The following DSCAM variants were observed in gnomAD, a reference collection of about 807,000 sequenced individuals.
DSCAM encodes DS cell adhesion molecule, also known as cell adhesion molecule DSCAM.
DSCAM carries 47 observed loss-of-function variants against 217.7 expected under a neutral mutation model. That is an observed-to-expected ratio of 0.22 (90% CI 0.17 to 0.28). The LOEUF is 0.28. DSCAM is among the 10% of genes least tolerant of loss of function. DSCAM has a pLI of 1.00. For missense variants in DSCAM, 2,080 were observed against 2,618.3 expected (o/e 0.79, Z 4.49); for synonymous variants, 1,056 against 1,015.3 (o/e 1.04, Z -0.76).
At chr21:40,259,166 T>C (rs921622730) in intron 11 of DSCAM, among the ~76,000 whole-genome samples, 4 of 152,156 alleles carry the variant, frequency 2.6e-5, no homozygotes. Context: ...CTTACACATA[T>C]GAATATGCCT....
At chr21:40,129,669 C>T (rs549111638) in intron 19 of DSCAM, among the ~76,000 whole-genome samples, 3 of 152,312 alleles carry the variant, frequency 2.0e-5, no homozygotes, top group Non-Finnish European at 2.9e-5. Context: ...TGGCACACTA[C>T]CATAGGCTAT....
chr21:40,508,667 C>T (rs1387771374), intron 3 of DSCAM, among the ~76,000 whole-genome samples: 3 of 146,322 alleles, frequency 2.1e-5, no homozygotes, highest in Non-Finnish European at 4.5e-5. Context: ...CTCCTGGGCT[C>T]AAGGGAACCA....
chr21:40,660,383 C>T (rs981618528), intron 3 of DSCAM, among the ~76,000 whole-genome samples: 1 of 152,144 alleles, frequency 6.6e-6, no homozygotes. Context: ...ATTCTAACAA[C>T]TGGCCAGAAG....
chr21:40,033,586 T>C (rs2996050), intron 32 of DSCAM, among the ~76,000 whole-genome samples: 37,620 of 147,032 alleles, frequency 0.26, 5,311 homozygotes, highest in South Asian at 0.35. Context: ...AAGGCGGCAG[T>C]GAGGCTGGGG....
intron 3 of DSCAM, among the ~76,000 whole-genome samples, chr21:40,555,058 AT>A (rs1330490881): frequency 1.3e-5 from 2 of 152,234 alleles, no homozygotes; most frequent in Non-Finnish European, 2.9e-5. Context: ...GAAATGATGC[AT>A]ATTTTATATT....
At chr21:40,653,291 C>T (rs867177189) in intron 3 of DSCAM, among the ~76,000 whole-genome samples, 7 of 152,166 alleles carry the variant, frequency 4.6e-5, no homozygotes, top group Non-Finnish European at 8.8e-5. Context: ...GTTAACGACA[C>T]GGTCTTGGAG....
At chr21:40,053,451 G>A (rs914317612) in intron 29 of DSCAM, among the ~76,000 whole-genome samples, 13 of 152,182 alleles carry the variant, frequency 8.5e-5, no homozygotes, top group Admixed American at 8.5e-4. Context: ...GATGGGATAT[G>A]TCACAGTTTC....
intron 9 of DSCAM, among the ~76,000 whole-genome samples, chr21:40,307,883 T>A (rs1045660942): frequency 7.3e-6 from 1 of 136,568 alleles, no homozygotes; most frequent in Non-Finnish European, 1.5e-5. Flanking sequence ...AATTGAACAA[T>A]GAGAACACAT....
chr21:40,350,877 C>CTTTTTTTTTT (rs10658416), intron 5 of DSCAM, among the ~76,000 whole-genome samples: 3 of 63,878 alleles, frequency 4.7e-5, no homozygotes, highest in African/African-American at 1.9e-4. Flanking sequence ...ATAAGTCATA[C>CTTTTTTTTTT]TTTTTTTTTT....
At chr21:40,178,029 G>C (rs1414925134) in intron 15 of DSCAM, among the ~76,000 whole-genome samples, 1 of 151,832 alleles carries the variant, frequency 6.6e-6, no homozygotes, top group Non-Finnish European at 1.5e-5. Context: ...GGTAGGTTTG[G>C]GAGCTGGACA....
At chr21:40,379,939 G>T (rs371272080) in intron 3 of DSCAM, among the ~76,000 whole-genome samples, 6 of 152,114 alleles carry the variant, frequency 3.9e-5, no homozygotes, top group Non-Finnish European at 7.4e-5. Context: ...ATCTTGAGCC[G>T]CCTGGAAGAA....
chr21:40,219,316 A>G (rs8127742), intron 11 of DSCAM, among the ~76,000 whole-genome samples: 11,582 of 152,158 alleles, frequency 0.076, 765 homozygotes, highest in African/African-American at 0.17. Context: ...TGCATCCTGG[A>G]GATAAAGCCT....
At chr21:40,819,465 T>C (rs1472803484) in intron 1 of DSCAM, among the ~76,000 whole-genome samples, 1 of 152,190 alleles carries the variant, frequency 6.6e-6, no homozygotes, top group Non-Finnish European at 1.5e-5. Flanking sequence ...CACATAATGG[T>C]TGTGTATACG....
intron 1 of DSCAM, among the ~76,000 whole-genome samples, chr21:40,786,144 G>T (rs1032751812): frequency 6.6e-6 from 1 of 152,144 alleles, no homozygotes; most frequent in African/African-American, 2.4e-5. Context: ...GCTGAGGCAG[G>T]AGAATTGCTT....
chr21:40,818,045 G>A (rs1362002646), intron 1 of DSCAM, among the ~76,000 whole-genome samples: 6 of 141,896 alleles, frequency 4.2e-5, no homozygotes, highest in Non-Finnish European at 9.1e-5. Context: ...GCAGTGAGCC[G>A]AGATTGCGCC....
At chr21:40,347,298 CA>C (rs796531226) in intron 6 of DSCAM, among the ~76,000 whole-genome samples, 3,945 of 79,384 alleles carry the variant, frequency 0.05, 48 homozygotes, top group Middle Eastern at 0.075. Context: ...AACTCCATCT[CA>C]AAAAAAAAAA....
chr21:40,800,647 G>A (rs2091731533), intron 1 of DSCAM, among the ~76,000 whole-genome samples: 2 of 151,930 alleles, frequency 1.3e-5, no homozygotes, highest in South Asian at 4.1e-4. Context: ...TTTATGGAAG[G>A]CCAAACTTAA....
At chr21:40,824,577 C>G (rs578092741) in intron 1 of DSCAM, among the ~76,000 whole-genome samples, 1 of 151,858 alleles carries the variant, frequency 6.6e-6, no homozygotes, top group Non-Finnish European at 1.5e-5. Flanking sequence ...CCCCAGCTTA[C>G]TTTTTAAAAA....
At chr21:40,597,080 A>T (rs541389815) in intron 3 of DSCAM, among the ~76,000 whole-genome samples, 1 of 152,218 alleles carries the variant, frequency 6.6e-6, no homozygotes, top group Admixed American at 6.5e-5. Flanking sequence ...AATTTTACCA[A>T]CCCAATTAAT....
Sources: allele counts gnomAD v4.1 joint callset (sites outside exome capture counted in the v4.1 genomes callset), GRCh38; gene constraint gnomAD v4.1.1; transcripts MANE v1.5; gene names NCBI Gene and HGNC (gene_info 2026-07-23, HGNC 2026-07-21).